The following CELF2 variants were observed in gnomAD, a reference collection of about 807,000 sequenced individuals.
The protein encoded by CELF2 is CUGBP Elav-like family member 2.
In CELF2, 8 loss-of-function variants were observed where a neutral mutation model predicts 62.6. That is an observed-to-expected ratio of 0.13 (90% CI 0.07 to 0.23). CELF2 has a LOEUF of 0.23. Among genes scored for constraint, CELF2 ranks in the 10% least tolerant of loss-of-function variants. The pLI is 1.00. For missense variants in CELF2, 333 were observed against 671.0 expected (o/e 0.50, Z 5.56); for synonymous variants, 258 against 250.0 (o/e 1.03, Z -0.30).
In CELF2 at chr10:11,117,093, A is replaced by G. The variant is rs1187486659; in HGVS notation, c.75-48393A>G. On this transcript the variant is annotated intron_variant, in intron 1 of 12. Transcript: ENST00000633077. The surrounding 1 kb of genome is among the most constrained non-coding windows in gnomAD (Gnocchi z 4.1). Reference sequence around the variant, plus strand: ...CTTCAGAATCCACACTCAAGCCACTATGCTGTGCTGCTTCTGAGTAATACA... The same window carrying G: ...CTTCAGAATCCACACTCAAGCCACTGTGCTGTGCTGCTTCTGAGTAATACA... Among the ~76,000 whole-genome samples, 1 of 152,218 alleles carries G rather than the reference A, an allele frequency of 6.6e-6. No homozygotes were observed. The highest frequency in any genetic ancestry group is 1.5e-5 in the Non-Finnish European group (1 of 68,034).
intron 1 of CELF2, among the ~76,000 whole-genome samples, chr10:11,058,061 T>C (rs1011381890): frequency 1.5e-4 from 22 of 144,332 alleles, no homozygotes; most frequent in Non-Finnish European, 1.4e-4. Context: ...GAATAGATTA[T>C]CTGAAGAGGA....
At chr10:11,040,608 G>A (rs781421966) in intron 1 of CELF2, among the ~76,000 whole-genome samples, 29 of 151,918 alleles carry the variant, frequency 1.9e-4, no homozygotes, top group Admixed American at 5.9e-4. Context: ...GTTGTTCCTT[G>A]GTTCAACAAA....
chr10:10,679,127 T>C, the CELF2 span, among the ~76,000 whole-genome samples: 1 of 152,308 alleles, frequency 6.6e-6, no homozygotes, highest in East Asian at 1.9e-4. Context: ...ATAATACTTG[T>C]TTATTTATAA....
rs2062808213 is a variant in CELF2, at chr10:11,046,197, TA to T, written c.74+28036del. ...TCTCAAAATCACGGCACCGCTTGTC[TA>T]ACAACACCGAACGCTGGGCCCATCC... On this transcript the variant is annotated intron_variant, in intron 1 of 12. Transcript: ENST00000633077. This position sits in a 1 kb window ranked among gnomAD's most constrained non-coding sequence, Gnocchi z 4.6. Among the ~76,000 whole-genome samples the T allele has an allele frequency of 6.6e-6, 1 of 152,162 alleles. No homozygotes were observed. Among genetic ancestry groups the T allele is most frequent in the African/African-American group, 2.4e-5 (1 of 41,442 alleles).
At chr10:10,570,641 A>G in the CELF2 span, among the ~76,000 whole-genome samples, 3 of 152,158 alleles carry the variant, frequency 2.0e-5, no homozygotes, top group African/African-American at 4.8e-5. Context: ...ATAAATATGT[A>G]TATATTTGCC....
At chr10:11,225,641 C>T (rs1018457277) in intron 3 of CELF2, among the ~76,000 whole-genome samples, 14 of 152,110 alleles carry the variant, frequency 9.2e-5, no homozygotes, top group Non-Finnish European at 8.8e-5. Flanking sequence ...ATTTTTCCAC[C>T]GGGAAATGGA....
intron 4 of CELF2, among the ~76,000 whole-genome samples, 169 bp downstream of exon 4, chr10:11,249,370 A>ACTCTCCT (rs2076491147): frequency 6.6e-6 from 1 of 151,852 alleles, no homozygotes; most frequent in Non-Finnish European, 1.5e-5. Context: ...TGCACTCGCC[A>ACTCTCCT]CTCTCCTCTC....
intron 1 of CELF2, among the ~76,000 whole-genome samples, chr10:10,800,342 C>T (rs1193347439): frequency 2.0e-5 from 3 of 152,112 alleles, no homozygotes; most frequent in Middle Eastern, 3.4e-3. Flanking sequence ...AATAAAGCAC[C>T]GTAATATTAA....
intron 2 of CELF2, chr10:10,952,248 T>A (rs1407678548): frequency 6.6e-6 from 1 of 152,192 alleles, no homozygotes; most frequent in Non-Finnish European, 1.5e-5. Context: ...CTCATTATCC[T>A]TCCCCCCTGA....
At chr10:10,793,290 C>T in the CELF2 span, among the ~76,000 whole-genome samples, 6 of 152,242 alleles carry the variant, frequency 3.9e-5, no homozygotes, top group African/African-American at 1.4e-4. Flanking sequence ...AAGTTACATT[C>T]ATTTATCTAA....
At chr10:11,060,988 AT>A (rs1344427079) in intron 1 of CELF2, among the ~76,000 whole-genome samples, 1 of 152,218 alleles carries the variant, frequency 6.6e-6, no homozygotes, top group Non-Finnish European at 1.5e-5. Flanking sequence ...AATCAGGTCA[AT>A]TAATAACCCT....
In CELF2 at chr10:11,227,782, G is replaced by A. The variant is rs1169024017; in HGVS notation, c.354+10275G>A. ...GTAGGCTGGCACTTTCTACAACACT[G>A]TCACGCATCAGGGACGAGGGTACCG... On this transcript the variant is annotated intron_variant, in intron 3 of 12. Coordinates refer to ENST00000633077, the MANE Select transcript of CELF2 (RefSeq NM_001326342.2). The surrounding 1 kb of genome is among the most constrained non-coding windows in gnomAD (Gnocchi z 4.8). Among the ~76,000 whole-genome samples, 1 of 152,164 alleles carries A rather than the reference G, an allele frequency of 6.6e-6. No individual in the cohort carries two copies. The highest frequency in any genetic ancestry group is 2.4e-5 in the African/African-American group (1 of 41,438).
At chr10:11,264,568 C>G (rs2081622600) in intron 5 of CELF2, among the ~76,000 whole-genome samples, 1 of 152,220 alleles carries the variant, frequency 6.6e-6, no homozygotes, top group Non-Finnish European at 1.5e-5. Context: ...AAATAAAAAT[C>G]TCTTAGTGTT....
rs571138234 is a variant in CELF2, at chr10:11,100,848, G to C, written c.75-64638G>C. 4.6e-5 allele frequency among the ~76,000 whole-genome samples: 7 copies of C among 152,276 alleles called. 1 individual carries two copies. The highest frequency in any genetic ancestry group is 1.7e-4 in the African/African-American group (7 of 41,550). On this transcript the variant is annotated intron_variant, in intron 1 of 12. Coordinates refer to ENST00000633077, the MANE Select transcript of CELF2 (RefSeq NM_001326342.2). ...TTGTCAAGGGAGGTCTCCCATACCAGCTCTCTGATTTTCTTCTCTTCTGTG... is the reference window on the plus strand; with the variant it reads ...TTGTCAAGGGAGGTCTCCCATACCACCTCTCTGATTTTCTTCTCTTCTGTG...
Position 10,990,320 on chromosome 10 carries a change from T to TAAAGA in CELF2, c.89+70322_89+70326dup, listed in dbSNP as rs1491081520. ...TGATCAATACAACCACAGTTTTATA[T>TAAAGA]AAAGAGACAAAGTATATGGATTGAA... On this transcript the variant is annotated intron_variant, in intron 2 of 13. Transcript: ENST00000636488. This position sits in a 1 kb window ranked among gnomAD's most constrained non-coding sequence, Gnocchi z 4.6. Among the ~76,000 whole-genome samples, 1 of 152,050 alleles carries TAAAGA rather than the reference T, an allele frequency of 6.6e-6. No individual in the cohort carries two copies. The highest frequency in any genetic ancestry group is 1.5e-5 in the Non-Finnish European group (1 of 67,978).
the CELF2 span, among the ~76,000 whole-genome samples, chr10:10,731,762 G>A: frequency 6.6e-6 from 1 of 152,096 alleles, no homozygotes; most frequent in Non-Finnish European, 1.5e-5. Context: ...ATAACCCTAA[G>A]AGCACTCGGT....
At chr10:10,965,006 T>C (rs2049969308) in intron 2 of CELF2, among the ~76,000 whole-genome samples, 1 of 152,190 alleles carries the variant, frequency 6.6e-6, no homozygotes, top group Non-Finnish European at 1.5e-5. Context: ...AGTCATTGTC[T>C]CTGATGATAA....
At chr10:10,688,497 G>T in the CELF2 span, among the ~76,000 whole-genome samples, 1 of 152,146 alleles carries the variant, frequency 6.6e-6, no homozygotes, top group Non-Finnish European at 1.5e-5. Flanking sequence ...GTATCATTGT[G>T]CCACAACAGA....
chr10:10,956,779 A>T (rs1179964971), intron 2 of CELF2, among the ~76,000 whole-genome samples: 1 of 151,934 alleles, frequency 6.6e-6, no homozygotes, highest in African/African-American at 2.4e-5. Context: ...AGAAAAAAAA[A>T]TTTAATTAGC....
Sources: gnomAD v4.1 joint callset for allele counts (sites outside exome capture counted in the v4.1 genomes callset) on GRCh38, gnomAD v4.1.1 for gene constraint, Gnocchi (gnomAD v3.1) non-coding constraint, MANE v1.5 for transcripts, NCBI Gene and HGNC (gene_info 2026-07-23, HGNC 2026-07-21) for gene names.